Variants in PM20D2 observed in about 807,000 individuals in gnomAD.
PM20D2 encodes the protein peptidase M20 domain containing 2, also known as xaa-Arg dipeptidase.
A neutral mutation model predicts 42.9 loss-of-function variants in PM20D2; 33 were observed. The observed-to-expected ratio is 0.77, with a 90% confidence interval of 0.58 to 1.03. The LOEUF is 1.03. Ranked by LOEUF, PM20D2 falls within the 50% of genes least tolerant of loss-of-function variation. PM20D2 has a pLI of 0.00. For missense variants in PM20D2, 548 were observed against 557.0 expected (o/e 0.98, Z 0.16); for synonymous variants, 250 against 228.2 (o/e 1.10, Z -0.86).
chr6:89,101,968 T>C, the PM20D2 span, among the ~76,000 whole-genome samples: 1 of 150,856 alleles, frequency 6.6e-6, no homozygotes, highest in Non-Finnish European at 1.5e-5. Context: ...TAAGAAATAC[T>C]AAATATTCAC....
At position 89,149,272 on chromosome 6, in the gene PM20D2, T is replaced by C. The variant is rs201010510; in HGVS notation, c.473T>C (p.Val158Ala). The C allele has an allele frequency of 1.6e-5, 26 of 1,613,786 alleles. No homozygotes were observed. In the East Asian group the frequency reaches 5.8e-4, roughly 36 times the overall value. ...ATGAGTATTTCCTTCTAGGTAGTTG[T>C]CCTGGGAACCCCTGCAGAAGAAGAT... ...PRPPPPVKVV[V>A]LGTPAEEDGG... The change falls in exon 2 of 7, where the codon GTC (valine) becomes GCC (alanine). Residue 158 changes from valine to alanine, a missense_variant. Transcript: ENST00000275072.
the PM20D2 span, among the ~76,000 whole-genome samples, chr6:89,099,206 A>G: frequency 3.7e-4 from 56 of 152,058 alleles, no homozygotes; most frequent in South Asian, 9.7e-3. Context: ...AATACACTGC[A>G]TATTTGGTCT....
chr6:89,113,452 G>A, the PM20D2 span, among the ~76,000 whole-genome samples: 33 of 152,214 alleles, frequency 2.2e-4, 1 homozygote, highest in South Asian at 2.7e-3. Flanking sequence ...GATTATAGGC[G>A]TGAGCCACCG....
At chr6:89,153,972 A>G (rs1033474182) in intron 3 of PM20D2, among the ~76,000 whole-genome samples, 28 of 152,330 alleles carry the variant, frequency 1.8e-4, no homozygotes, top group Admixed American at 1.5e-3. Flanking sequence ...ACTGTCTTGA[A>G]GGCACACATT....
At chr6:89,132,900 T>G in the PM20D2 span, among the ~76,000 whole-genome samples, 1 of 150,692 alleles carries the variant, frequency 6.6e-6, no homozygotes, top group African/African-American at 2.5e-5. Context: ...TTAATCTTTT[T>G]TTTTAATTAT....
chr6:89,162,231 CAAG>C lies in PM20D2; in HGVS notation c.1285_1287del (p.Glu429del), dbSNP rs777096861. The C allele has an allele frequency of 1.2e-5, 19 of 1,613,732 alleles. No homozygotes were observed. Among genetic ancestry groups the C allele is most frequent in the East Asian group, 6.7e-5 (3 of 44,898 alleles). ...CAGAGAGGACTTTAAACTGAAACTT[CAAG>C]AAGAACAGTTTGTAAATGCAGTAGA... On this transcript the variant is annotated inframe_deletion, in exon 7 of 7. Coordinates refer to ENST00000275072, the MANE Select transcript of PM20D2 (RefSeq NM_001010853.3).
the PM20D2 span, among the ~76,000 whole-genome samples, chr6:89,137,468 C>T: frequency 6.6e-6 from 1 of 152,184 alleles, no homozygotes; most frequent in African/African-American, 2.4e-5. Flanking sequence ...TTTGGTTTAG[C>T]AACTACAGTG....
the PM20D2 span, among the ~76,000 whole-genome samples, chr6:89,108,146 T>C: frequency 2.6e-5 from 4 of 152,310 alleles, no homozygotes; most frequent in Non-Finnish European, 4.4e-5. Flanking sequence ...ATGTGCCTTC[T>C]AGTGCGATTA....
Position 89,146,688 on chromosome 6 carries a change from G to A in PM20D2, c.465+79G>A, listed in dbSNP as rs563769061. 8.4e-4 allele frequency: 1,012 copies of A among 1,204,312 alleles called. 4 individuals are homozygous for A. The highest frequency in any genetic ancestry group is 8.0e-3 in the African/African-American group (495 of 61,860). The allele number at this position is 1,204,312 out of a possible 1,614,324, so 74.6% of individuals were successfully genotyped here. A position where few individuals can be genotyped will look rare whatever the true frequency, so the allele number is the denominator to read the frequency against. ...CCCGGGAAGGGCGGGACTCTCGTGC[G>A]TCCCGCGCGCCTCGGTGCCCTCCCG... On this transcript the variant is annotated intron_variant, in intron 1 of 6. Transcript: ENST00000275072.
the PM20D2 span, among the ~76,000 whole-genome samples, chr6:89,101,057 C>T: frequency 6.1e-5 from 9 of 146,894 alleles, no homozygotes. Flanking sequence ...TGCAGTGAGC[C>T]AAGATCGTGC....
At chr6:89,153,964 T>G (rs1316611511) in intron 3 of PM20D2, among the ~76,000 whole-genome samples, 1 of 152,210 alleles carries the variant, frequency 6.6e-6, no homozygotes, top group Non-Finnish European at 1.5e-5. Flanking sequence ...GTCAAAGTAC[T>G]GTCTTGAAGG....
At chr6:89,105,004 C>A in the PM20D2 span, 13 of 1,030,828 alleles carry the variant, frequency 1.3e-5, no homozygotes, top group Non-Finnish European at 1.3e-6. Flanking sequence ...TACAGTGGGC[C>A]ATGATCGCAC....
chr6:89,158,414 A>G lies in PM20D2; in HGVS notation c.1002A>G (p.Leu334=), dbSNP rs1043495458. ...CCTATATGGAAAATGGAAGAAAGCT[A>G]GGAATAGAGTTCATTTCAGAAGATA... ...WKAYMENGRK[L]GIEFISEDTM... Residue 334 remains leucine (L), a synonymous_variant, in exon 5 of 7, where the codon CTA becomes CTG. Transcript: ENST00000275072. The G allele has an allele frequency of 3.1e-6, 5 of 1,612,764 alleles. No homozygotes were observed. Among genetic ancestry groups the G allele is most frequent in the Non-Finnish European group, 4.2e-6 (5 of 1,179,652 alleles).
At chr6:89,095,113 C>G in the PM20D2 span, among the ~76,000 whole-genome samples, 1 of 152,144 alleles carries the variant, frequency 6.6e-6, no homozygotes, top group African/African-American at 2.4e-5. Context: ...CGTGAAGATA[C>G]CCTGCACCAG....
intron 3 of PM20D2, among the ~76,000 whole-genome samples, chr6:89,154,438 A>AT (rs1171931079): frequency 2.0e-5 from 3 of 151,964 alleles, no homozygotes; most frequent in Non-Finnish European, 2.9e-5. Flanking sequence ...GATGTTACTA[A>AT]TTTTTTTTGT....
chr6:89,116,954 C>G, the PM20D2 span, among the ~76,000 whole-genome samples: 1 of 151,896 alleles, frequency 6.6e-6, no homozygotes, highest in Non-Finnish European at 1.5e-5. Flanking sequence ...TACAATAAAA[C>G]AGTACTGCAT....
the PM20D2 span, among the ~76,000 whole-genome samples, chr6:89,102,553 A>G: frequency 7.9e-5 from 12 of 152,218 alleles, no homozygotes; most frequent in Admixed American, 7.8e-4. Context: ...AGCTGTAGGA[A>G]GCAAAATGAA....
At position 89,149,263 on chromosome 6, in the gene PM20D2, A is replaced by C. The variant is rs149885811; in HGVS notation, c.466-2A>C. On this transcript the variant is annotated splice_acceptor_variant, in intron 1 of 6. Coordinates refer to ENST00000275072, the MANE Select transcript of PM20D2 (RefSeq NM_001010853.3). LOFTEE classifies it high-confidence loss of function. ...TTCCCTGACATGAGTATTTCCTTCT[A>C]GGTAGTTGTCCTGGGAACCCCTGCA... is the stretch of plus-strand genomic sequence containing the variant. The C allele has an allele frequency of 6.8e-6, 11 of 1,613,206 alleles. No individual in the cohort carries two copies. The African/African-American group carries it at 1.3e-4, about 20-fold the overall frequency.
Position 89,158,333 on chromosome 6 carries a change from T to C in PM20D2, c.921T>C (p.Ile307=). 6.4e-7 allele frequency: 1 copy of C among 1,570,136 alleles called. No homozygotes were observed. The highest frequency in any genetic ancestry group is 8.6e-7 in the Non-Finnish European group (1 of 1,165,090). The change falls in exon 5 of 7, where the codon ATT becomes ATC. Residue 307 remains isoleucine (I), a synonymous_variant. Transcript: ENST00000275072. The stretch of plus-strand genomic sequence containing the variant: ...TTGCAATTTTTTATTAGGTGGAAAT[T>C]AAAGGTGGAGCACATGATTATTACA... ...AALASGCTVE[I]KGGAHDYYNV...
Sources: allele counts gnomAD v4.1 joint callset (sites outside exome capture counted in the v4.1 genomes callset), GRCh38; gene constraint gnomAD v4.1.1; transcripts MANE v1.5; gene names NCBI Gene and HGNC (gene_info 2026-07-23, HGNC 2026-07-21).